Variants in HRNR observed in about 807,000 individuals in gnomAD.
HRNR encodes hornerin.
HRNR carries 7 observed loss-of-function variants against 4.8 expected under a neutral mutation model. The observed-to-expected ratio is 1.47, with a 90% CI of 0.83 to 2.75. The LOEUF is 2.75. HRNR is among the 30% of genes most tolerant of loss of function. The pLI, the probability that HRNR is intolerant of heterozygous loss-of-function variation, is 0.00. For missense variants in HRNR, 2,879 were observed against 3,010.4 expected, an observed-to-expected ratio of 0.96 and a Z score of 1.02; for synonymous variants, 1,023 against 1,242.7, an observed-to-expected ratio of 0.82 and a Z score of 3.72.
At position 152,219,019 on chromosome 1, in the gene HRNR, A is replaced by G. The variant is rs368033140; in HGVS notation, c.2610T>C (p.His870=). 7 of 1,613,846 alleles carry G rather than the reference A, an allele frequency of 4.3e-6. No homozygotes were observed. Among genetic ancestry groups the G allele is most frequent in the Non-Finnish European group, 5.9e-6 (7 of 1,179,974 alleles). Residue 870 remains histidine (H), a synonymous_variant, in exon 3 of 3, where the codon CAT becomes CAC. Transcript: ENST00000368801. ...CCGAAGCGTGATGGGAGGCAGACTCATGCTGACCATAGCTGGAAGATTGAC... is the reference window on the plus strand; with the variant it reads ...CCGAAGCGTGATGGGAGGCAGACTCGTGCTGACCATAGCTGGAAGATTGAC... ...SSGQSSSYGQ[H]ESASHHASGR...
In HRNR at chr1:152,215,948, G is replaced by T. The variant is rs774337857; in HGVS notation, c.5681C>A (p.Ser1894Tyr). 1 of 1,610,130 alleles carries T rather than the reference G, an allele frequency of 6.2e-7. No homozygotes were observed. The highest frequency in any genetic ancestry group is 1.4e-5 in the African/African-American group (1 of 72,504). ...YTQHGSGSGHSSSYEQHGSRS... is the reference protein window; with the variant it reads ...YTQHGSGSGHYSSYEQHGSRS... Reference sequence around the variant, plus strand: ...AGAGCCGTGTTGTTCGTAGCTGGAGGAGTGACCTGAGCCAGATCCATGCTG... The same window carrying T: ...AGAGCCGTGTTGTTCGTAGCTGGAGTAGTGACCTGAGCCAGATCCATGCTG... The change falls in exon 3 of 3, where the codon TCC becomes TAC. Residue 1894 changes from serine to tyrosine, a missense_variant. Physicochemically the swap from Ser to Tyr is moderately radical, Grantham distance 144 (BLOSUM62 -2). Coordinates refer to ENST00000368801, the MANE Select transcript of HRNR (RefSeq NM_001009931.3).
chr1:152,219,194 C>A lies in HRNR; in HGVS notation c.2435G>T (p.Gly812Val), dbSNP rs201963229. ...SSCGHYESGSGQASGFGQHES... is the reference protein window; with the variant it reads ...SSCGHYESGSVQASGFGQHES... ...GTGTTGCCCAAAACCAGAAGCCTGG[C>A]CTGAGCCAGACTCATAATGGCCACA... Residue 812 changes from glycine (G) to valine (V), a missense_variant, in exon 3 of 3, where the codon GGC becomes GTC. Gly to Val is a moderately radical substitution (Grantham distance 109). Transcript: ENST00000368801. 1 of 1,614,026 alleles carries A rather than the reference C, an allele frequency of 6.2e-7. No individual in the cohort carries two copies. Among genetic ancestry groups the A allele is most frequent in the Non-Finnish European group, 8.5e-7 (1 of 1,180,022 alleles).
chr1:152,223,794 A>G (rs1347978597), intron 1 of HRNR, among the ~76,000 whole-genome samples: 2 of 152,204 alleles, frequency 1.3e-5, no homozygotes, highest in South Asian at 4.1e-4. Flanking sequence ...GGTAACTGCT[A>G]TTAGATCCAG....
rs1211230670 is a variant in HRNR, at chr1:152,218,454, G to T, written c.3175C>A (p.Gln1059Lys). 1 of 1,613,792 alleles carries T rather than the reference G, an allele frequency of 6.2e-7. No individual in the cohort carries two copies. Among genetic ancestry groups the T allele is most frequent in the Non-Finnish European group, 8.5e-7 (1 of 1,180,006 alleles). The change falls in exon 3 of 3, where the codon CAG becomes AAG. Residue 1059 changes from glutamine to lysine, a missense_variant. By Grantham distance (53) the Gln-to-Lys change is moderately conservative. Transcript: ENST00000368801. ...CCATGTTGACCGTAGCCAGAGGACT[G>T]TCCTGAGCGAGACTCTCGGTGACCT... is the stretch of plus-strand genomic sequence containing the variant. ...GLGHRESRSGQSSGYGQHGSS... is the reference protein window; with the variant it reads ...GLGHRESRSGKSSGYGQHGSS...
Position 152,218,629 on chromosome 1 carries a change from C to T in HRNR, c.3000G>A (p.Gly1000=). ...GGCTAGGAGACTGGCCAGATCCAGA[C>T]CCATGTTGGCCGTGGCCCAAAGACT... ...SRQSLGHGQH[G]SGSGQSPSPS... Residue 1000 remains glycine (G), a synonymous_variant, in exon 3 of 3, where the codon GGG becomes GGA. Transcript: ENST00000368801. The T allele has an allele frequency of 1.9e-6, 3 of 1,612,418 alleles. No homozygotes were observed. The highest frequency in any genetic ancestry group is 1.7e-4 in the Middle Eastern group (1 of 6,046).
In HRNR at chr1:152,218,918, G is replaced by C; in HGVS notation, c.2711C>G (p.Pro904Arg). Residue 904 changes from proline (P) to arginine (R), a missense_variant, in exon 3 of 3, where the codon CCC (proline) becomes CGC (arginine). Physicochemically the swap from Pro to Arg is moderately radical, Grantham distance 103. This residue lies in a region of HRNR where 2,646 missense variants were observed against 1,377.7 expected (regional missense o/e 1.92). Transcript: ENST00000368801. Reference protein sequence around the residue: ...GQRGSGSGQSPSYGRHGSGSG... With the variant: ...GQRGSGSGQSRSYGRHGSGSG... ...GCCAGACCCATGTCGGCCATAGCTG[G>C]GAGACTGCCCTGACCCAGACCCACG... is the stretch of plus-strand genomic sequence containing the variant. The C allele has an allele frequency of 1.2e-6, 2 of 1,613,858 alleles. No individual in the cohort carries two copies. The highest frequency in any genetic ancestry group is 1.7e-6 in the Non-Finnish European group (2 of 1,179,946).
In HRNR at chr1:152,218,605, G is replaced by T. The variant is rs752285829; in HGVS notation, c.3024C>A (p.Ser1008Arg). The T allele has an allele frequency of 1.2e-5, 20 of 1,611,198 alleles. No individual in the cohort carries two copies. The highest frequency in any genetic ancestry group is 3.3e-4 in the Middle Eastern group (2 of 6,032). The part of the protein sequence containing the change: ...QHGSGSGQSP[S>R]PSRGRHGSGS... ...CAGACCCATGTCGGCCACGGCTAGG[G>T]CTAGGAGACTGGCCAGATCCAGACC... The change falls in exon 3 of 3, where the codon AGC becomes AGA. Residue 1008 changes from serine (S) to arginine (R), a missense_variant. Coordinates refer to ENST00000368801, the MANE Select transcript of HRNR (RefSeq NM_001009931.3).
chr1:152,220,299 T>G lies in HRNR; in HGVS notation c.1330A>C (p.Thr444Pro), dbSNP rs758271857. ...GQSPSSGQHGTGFGRSSSSGP... is the reference protein window; with the variant it reads ...GQSPSSGQHGPGFGRSSSSGP... ...CTGCTGGAAGATCGACCAAAGCCAG[T>G]CCCATGTTGGCCGGAGCTGGGAGAC... The change falls in exon 3 of 3, where the codon ACT becomes CCT. Residue 444 changes from threonine (T) to proline (P), a missense_variant. Transcript: ENST00000368801. 1.2e-6 allele frequency: 2 copies of G among 1,612,578 alleles called. No homozygotes were observed. Among genetic ancestry groups the G allele is most frequent in the Non-Finnish European group, 1.7e-6 (2 of 1,179,606 alleles).
rs757163142 is a variant in HRNR, at chr1:152,219,544, T to A, written c.2085A>T (p.Ser695=). The part of the protein sequence containing the change: ...SSSNGPHGSV[S]GQSSGFGHKS... Reference sequence around the variant, plus strand: ...TGTGACCAAAGCCGGAAGACTGGCCTGAGACAGACCCATGTGGGCCATTGC... The same window carrying A: ...TGTGACCAAAGCCGGAAGACTGGCCAGAGACAGACCCATGTGGGCCATTGC... Residue 695 remains serine (S), a synonymous_variant, in exon 3 of 3, where the codon TCA becomes TCT. Coordinates refer to ENST00000368801, the MANE Select transcript of HRNR (RefSeq NM_001009931.3). The A allele has an allele frequency of 5.6e-6, 9 of 1,613,556 alleles. No homozygotes were observed. The South Asian group carries it at 9.9e-5, about 18-fold the overall frequency.
chr1:152,223,275 T>G lies in HRNR; in HGVS notation c.-22A>C. The stretch of plus-strand genomic sequence containing the variant: ...GCATTTTTTTTTTTGCAAGTTTGAG[T>G]AACCTAAAGGGAGGAAAAAGAGAGA... On this transcript the variant is annotated 5_prime_UTR_variant, in exon 2 of 3. Coordinates refer to ENST00000368801, the MANE Select transcript of HRNR (RefSeq NM_001009931.3). 6.2e-7 allele frequency: 1 copy of G among 1,602,504 alleles called. No homozygotes were observed. The highest frequency in any genetic ancestry group is 1.7e-5 in the Admixed American group (1 of 58,934).
rs1648476100 is a variant in HRNR at position 152,213,527 on chromosome 1, G to A, written c.8102C>T (p.Ser2701Leu). 7.4e-7 allele frequency: 1 copy of A among 1,349,706 alleles called. No individual in the cohort carries two copies. Among genetic ancestry groups the A allele is most frequent in the Non-Finnish European group, 1.0e-6 (1 of 972,036 alleles). The allele number at this position is 1,349,706 out of a possible 1,614,324, so 83.6% of individuals were successfully genotyped here. Residue 2701 changes from serine (S) to leucine (L), a missense_variant, in exon 3 of 3, where the codon TCA (serine) becomes TTA (leucine). Around this residue, in one of 8 missense-constraint regions of HRNR, gnomAD observed 20 missense variants for 61.1 expected, o/e 0.33. Coordinates refer to ENST00000368801, the MANE Select transcript of HRNR (RefSeq NM_001009931.3). The part of the protein sequence containing the change: ...SSVFGQHESG[S>L]GHSSAYSQHG... ...CTGACTGTAAGCAGAGGAATGTCCT[G>A]AGCCAGACTCATGTTGACCAAAGAC... is the stretch of plus-strand genomic sequence containing the variant.
At position 152,218,631 on chromosome 1, in the gene HRNR, C is replaced by A. The variant is rs553143273; in HGVS notation, c.2998G>T (p.Gly1000Trp). 3.3e-4 allele frequency: 525 copies of A among 1,613,484 alleles called. 7 individuals are homozygous for A. In the South Asian group the frequency reaches 5.5e-3, roughly 17 times the overall value. ...CTAGGAGACTGGCCAGATCCAGACC[C>A]ATGTTGGCCGTGGCCCAAAGACTGA... is the stretch of plus-strand genomic sequence containing the variant. The part of the protein sequence containing the change: ...SRQSLGHGQH[G>W]SGSGQSPSPS... Residue 1000 changes from glycine to tryptophan, a missense_variant, in exon 3 of 3, where the codon GGG (glycine) becomes TGG (tryptophan). Physicochemically the swap from Gly to Trp is radical, Grantham distance 184. Transcript: ENST00000368801.
chr1:152,221,428 C>T lies in HRNR; in HGVS notation c.201G>A (p.Lys67=), dbSNP rs1557846926. ...GAAGATACTCAGTAAAATCCACTTT[C>T]TTGTTATGGTCTCGATCCAGACTTT... The part of the protein sequence containing the change: ...ILQSLDRDHN[K]KVDFTEYLLM... Residue 67 remains lysine (K), a synonymous_variant, in exon 3 of 3, where the codon AAG becomes AAA. Coordinates refer to ENST00000368801, the MANE Select transcript of HRNR (RefSeq NM_001009931.3). 1 of 1,613,296 alleles carries T rather than the reference C, an allele frequency of 6.2e-7. No individual in the cohort carries two copies. Among genetic ancestry groups the T allele is most frequent in the Non-Finnish European group, 8.5e-7 (1 of 1,179,710 alleles).
Position 152,218,356 on chromosome 1 carries a change from T to G in HRNR, c.3273A>C (p.Gln1091His), listed in dbSNP as rs747099907. Residue 1091 changes from glutamine (Q) to histidine (H), a missense_variant, in exon 3 of 3, where the codon CAA (glutamine) becomes CAC (histidine). This residue lies in a region of HRNR where 2,646 missense variants were observed against 1,377.7 expected (regional missense o/e 1.92). Coordinates refer to ENST00000368801, the MANE Select transcript of HRNR (RefSeq NM_001009931.3). ...AAGACTGACCTGAGCTAGCTCCATG[T>G]TGGCCACAGCTCGATGACTGTCCTG... Reference protein sequence around the residue: ...STSGQSSSCGQHGASSGQSSS... With the variant: ...STSGQSSSCGHHGASSGQSSS... 5.6e-6 allele frequency: 9 copies of G among 1,611,076 alleles called. No individual in the cohort carries two copies. In the Middle Eastern group the frequency reaches 5.0e-4, roughly 89 times the overall value.
Position 152,218,502 on chromosome 1 carries a change from C to T in HRNR, c.3127G>A (p.Gly1043Ser), listed in dbSNP as rs1172501805. 6.8e-6 allele frequency: 11 copies of T among 1,613,452 alleles called. No individual in the cohort carries two copies. Among genetic ancestry groups the T allele is most frequent in the South Asian group, 4.4e-5 (4 of 91,036 alleles). The change falls in exon 3 of 3, where the codon GGC (glycine) becomes AGC (serine). Residue 1043 changes from glycine to serine, a missense_variant. By Grantham distance (56) the Gly-to-Ser change is moderately conservative (BLOSUM62 0). Coordinates refer to ENST00000368801, the MANE Select transcript of HRNR (RefSeq NM_001009931.3). ...CCTAAGCCAGAAGAGTGACCGGAGC[C>T]AGACTCATATGGGCCACGGCTTGAA... ...WSSSRGPYES[G>S]SGHSSGLGHR...
At position 152,223,189 on chromosome 1, in the gene HRNR, T is replaced by A; in HGVS notation, c.65A>T (p.His22Leu). Residue 22 changes from histidine to leucine, a missense_variant, in exon 2 of 3, where the codon CAT becomes CTT. Coordinates refer to ENST00000368801, the MANE Select transcript of HRNR (RefSeq NM_001009931.3). Reference sequence around the variant, plus strand: ...CTTGTTCAACGTATCATACTCCCCATGCTGGGTGGCATATTGGTAGAAAAC... The same window carrying A: ...CTTGTTCAACGTATCATACTCCCCAAGCTGGGTGGCATATTGGTAGAAAAC... ...IDVFYQYATQ[H>L]GEYDTLNKAE... 1 of 1,613,814 alleles carries A rather than the reference T, an allele frequency of 6.2e-7. No individual in the cohort carries two copies.
At position 152,219,322 on chromosome 1, in the gene HRNR, C is replaced by A. The variant is rs749072360; in HGVS notation, c.2307G>T (p.Gly769=). 2 of 1,605,550 alleles carry A rather than the reference C, an allele frequency of 1.2e-6. No individual in the cohort carries two copies. The highest frequency in any genetic ancestry group is 1.7e-5 in the Admixed American group (1 of 59,210). ...GGCTAGGAGAGTGGCCAGATCCAGA[C>A]CCTTGTCGGCCGTGGCCCGAAGATT... ...SHQSSGHGRQ[G]SGSGHSPSRV... is the part of the protein sequence containing the mutation. Residue 769 remains glycine (G), a synonymous_variant, in exon 3 of 3, where the codon GGG becomes GGT. Coordinates refer to ENST00000368801, the MANE Select transcript of HRNR (RefSeq NM_001009931.3).
intron 2 of HRNR, among the ~76,000 whole-genome samples, chr1:152,222,747 A>G (rs901398078): frequency 6.6e-6 from 1 of 152,224 alleles, no homozygotes. Context: ...TATCAAATCT[A>G]GACCTGACAG....
chr1:152,218,756 T>G lies in HRNR; in HGVS notation c.2873A>C (p.Glu958Ala). 6 of 1,612,754 alleles carry G rather than the reference T, an allele frequency of 3.7e-6. No homozygotes were observed. Among genetic ancestry groups the G allele is most frequent in the African/African-American group, 1.3e-5 (1 of 74,466 alleles). Residue 958 changes from glutamate to alanine, a missense_variant, in exon 3 of 3, where the codon GAA becomes GCA. Coordinates refer to ENST00000368801, the MANE Select transcript of HRNR (RefSeq NM_001009931.3). ...CTGTCCTGACCTAGAGCCGTGTTGT[T>G]CGTAGCTGGAGGAGTGACCTGAGCC... Reference protein sequence around the residue: ...GSGSGHSSSYEQHGSRSGQSS... With the variant: ...GSGSGHSSSYAQHGSRSGQSS...
Sources: gnomAD v4.1 joint callset for allele counts (sites outside exome capture counted in the v4.1 genomes callset) on GRCh38, gnomAD v4.1.1 for gene constraint, gnomAD v4.1.1 regional missense constraint, MANE v1.5 for transcripts, NCBI Gene and HGNC (gene_info 2026-07-23, HGNC 2026-07-21) for gene names.